Variants in VPS13D observed in about 807,000 individuals in gnomAD.
The protein encoded by VPS13D is intermembrane lipid transfer protein VPS13D.
A neutral mutation model predicts 461.9 loss-of-function variants in VPS13D; 187 were observed. That is an observed-to-expected ratio of 0.40 (90% CI 0.36 to 0.46). The LOEUF is 0.46. Ranked by LOEUF, VPS13D falls within the 20% of genes least tolerant of loss-of-function variation. The pLI, the probability that VPS13D is intolerant of heterozygous loss-of-function variation, is 0.60. For missense variants in VPS13D, 4,711 were observed against 5,364.9 expected, an observed-to-expected ratio of 0.88 and a Z score of 3.81; for synonymous variants, 1,951 against 1,986.3, an observed-to-expected ratio of 0.98 and a Z score of 0.47.
intron 57 of VPS13D, among the ~76,000 whole-genome samples, chr1:12,381,912 C>CTTTCT (rs200150692): frequency 0.17 from 18,508 of 110,426 alleles, 3,187 homozygotes; most frequent in Middle Eastern, 0.24. Flanking sequence ...TTTTCTTTTT[C>CTTTCT]TTTCTTTTCT....
chr1:12,447,105 A>G (rs897073512), intron 65 of VPS13D, among the ~76,000 whole-genome samples: 1 of 152,240 alleles, frequency 6.6e-6, no homozygotes. Context: ...AGATATTTGC[A>G]TGTAATTTTT....
chr1:12,394,480 T>G (rs1644469535), intron 60 of VPS13D, among the ~76,000 whole-genome samples: 1 of 152,206 alleles, frequency 6.6e-6, no homozygotes, highest in African/African-American at 2.4e-5. Flanking sequence ...ACCTGCCACC[T>G]CGGGATCCAG....
At chr1:12,320,550 G>T (rs1398104133) in intron 32 of VPS13D, among the ~76,000 whole-genome samples, 1 of 152,156 alleles carries the variant, frequency 6.6e-6, no homozygotes, top group Non-Finnish European at 1.5e-5. Flanking sequence ...AGCCTGTAGG[G>T]ACTCTACTTC....
chr1:12,376,251 C>T (rs181241471), intron 55 of VPS13D, among the ~76,000 whole-genome samples: 42 of 152,304 alleles, frequency 2.8e-4, no homozygotes, highest in African/African-American at 9.1e-4. Flanking sequence ...ACAGAGGAGG[C>T]AGTAGCACAC....
chr1:12,457,974 T>A (rs370383667), intron 66 of VPS13D, among the ~76,000 whole-genome samples: 1 of 152,254 alleles, frequency 6.6e-6, no homozygotes, highest in Admixed American at 6.5e-5. Context: ...TGCTTTGTTA[T>A]GTGTGGTGGC....
Position 12,318,204 on chromosome 1 carries a change from T to A in VPS13D, c.7281T>A (p.Thr2427=). ...ATATTAAGAAACAAAATCATGTTAC[T>A]CCTTCTCGCCACCGTAACTCTAGCA... ...PSDIKKQNHV[T]PSRHRNSSSE... is the part of the protein sequence containing the mutation. The change falls in exon 31 of 70, where the codon ACT becomes ACA. Residue 2427 remains threonine (T), a synonymous_variant. Transcript: ENST00000620676. The A allele has an allele frequency of 6.2e-7, 1 of 1,614,232 alleles. No homozygotes were observed. The highest frequency in any genetic ancestry group is 1.1e-5 in the South Asian group (1 of 91,090).
intron 67 of VPS13D, among the ~76,000 whole-genome samples, chr1:12,474,608 A>G (rs1366352618): frequency 6.6e-6 from 1 of 152,136 alleles, no homozygotes; most frequent in Non-Finnish European, 1.5e-5. Context: ...TTATTTCACG[A>G]TTTCTGCATA....
intron 66 of VPS13D, among the ~76,000 whole-genome samples, chr1:12,458,312 G>T (rs1318748775): frequency 1.3e-5 from 2 of 152,160 alleles, no homozygotes; most frequent in Non-Finnish European, 2.9e-5. Context: ...AGTTCTCTCT[G>T]CAGGCCTTGC....
At chr1:12,322,057 TTTTTG>T (rs548837383) in intron 33 of VPS13D, 93 bp downstream of exon 33, 27 of 1,512,306 alleles carry the variant, frequency 1.8e-5, no homozygotes, top group South Asian at 1.1e-4. Flanking sequence ...ACAACCTCTT[TTTTTG>T]TTTTGTTTTG....
chr1:12,376,741 G>A (rs1644204052), intron 55 of VPS13D, among the ~76,000 whole-genome samples: 1 of 152,170 alleles, frequency 6.6e-6, no homozygotes, highest in Non-Finnish European at 1.5e-5. Flanking sequence ...TGAGTTTGTG[G>A]TACCCTGATG....
At chr1:12,419,146 A>G (rs1191718829) in intron 65 of VPS13D, among the ~76,000 whole-genome samples, 1 of 152,186 alleles carries the variant, frequency 6.6e-6, no homozygotes, top group African/African-American at 2.4e-5. Context: ...TCCTGGATCT[A>G]TATGAAGGCC....
intron 63 of VPS13D, among the ~76,000 whole-genome samples, chr1:12,408,756 T>A (rs1196054878): frequency 6.6e-6 from 1 of 152,194 alleles, no homozygotes; most frequent in African/African-American, 2.4e-5. Flanking sequence ...TCCAGTGACC[T>A]TTCTCTCTAG....
At position 12,268,757 on chromosome 1, in the gene VPS13D, C is replaced by T. The variant is rs150135933; in HGVS notation, c.1853C>T (p.Ala618Val). The T allele has an allele frequency of 5.8e-5, 94 of 1,614,062 alleles. No homozygotes were observed. In the African/African-American group the frequency reaches 7.7e-4, roughly 13 times the overall value. Residue 618 changes from alanine (A) to valine (V), a missense_variant, in exon 16 of 70, where the codon GCG (alanine) becomes GTG (valine). Coordinates refer to ENST00000620676, the MANE Select transcript of VPS13D (RefSeq NM_015378.4). ...VFEMLYERNP[A>V]HSHFERRLNV... Reference sequence around the variant, plus strand: ...GAGATGCTGTATGAGAGAAATCCGGCGCACAGCCACTTTGAGAGGCGGCTC... The same window carrying T: ...GAGATGCTGTATGAGAGAAATCCGGTGCACAGCCACTTTGAGAGGCGGCTC...
At chr1:12,301,491 A>G (rs894227907) in intron 25 of VPS13D, among the ~76,000 whole-genome samples, 2 of 152,230 alleles carry the variant, frequency 1.3e-5, no homozygotes, top group African/African-American at 4.8e-5. Flanking sequence ...AGAGGTGCAT[A>G]GGGCGAGACC....
intron 63 of VPS13D, among the ~76,000 whole-genome samples, chr1:12,408,377 G>A (rs950118428): frequency 5.9e-5 from 9 of 152,148 alleles, no homozygotes; most frequent in Middle Eastern, 3.4e-3. Flanking sequence ...ACTTTTTTGC[G>A]GGGTGGGGAA....
chr1:12,360,488 A>G (rs1276389063), intron 50 of VPS13D, among the ~76,000 whole-genome samples: 1 of 152,220 alleles, frequency 6.6e-6, no homozygotes, highest in Non-Finnish European at 1.5e-5. Flanking sequence ...GAAGGGGGAA[A>G]GAAGCCCACC....
chr1:12,245,860 T>C (rs1461372177), intron 5 of VPS13D, among the ~76,000 whole-genome samples: 1 of 152,264 alleles, frequency 6.6e-6, no homozygotes, highest in Non-Finnish European at 1.5e-5. Context: ...TGGAATCATG[T>C]AATATATAGC....
intron 26 of VPS13D, among the ~76,000 whole-genome samples, chr1:12,308,136 C>T (rs761683332): frequency 2.6e-5 from 4 of 152,130 alleles, no homozygotes; most frequent in Non-Finnish European, 4.4e-5. Flanking sequence ...CCCCCAGCCT[C>T]AGTTGTTGTC....
rs1180765487 is a variant in VPS13D at position 12,385,361 on chromosome 1, G to T, written c.11472G>T (p.Glu3824Asp). ...ELQKLKNPDT[E>D]QELEVLVRLE... is the part of the protein sequence containing the mutation. ...AGAAATTAAAGAATCCAGATACAGA[G>T]CAGGAATTGGAAGTAAGGTCTAAAT... The change falls in exon 59 of 70, where the codon GAG becomes GAT. Residue 3824 changes from glutamate (E) to aspartate (D), a missense_variant. By Grantham distance (45) the Glu-to-Asp change is conservative. Around this residue, in one of 3 missense-constraint regions of VPS13D, gnomAD observed 4,411 missense variants for 4,937.8 expected, o/e 0.89. Transcript: ENST00000620676. The T allele has an allele frequency of 1.2e-6, 2 of 1,612,038 alleles. No homozygotes were observed. Among genetic ancestry groups the T allele is most frequent in the South Asian group, 1.1e-5 (1 of 90,608 alleles).
Sources: gnomAD v4.1 joint callset for allele counts (sites outside exome capture counted in the v4.1 genomes callset) on GRCh38, gnomAD v4.1.1 for gene constraint, gnomAD v4.1.1 regional missense constraint, MANE v1.5 for transcripts, NCBI Gene and HGNC (gene_info 2026-07-23, HGNC 2026-07-21) for gene names.